The following SCN10A variants were observed in gnomAD, a reference collection of about 807,000 sequenced individuals.
SCN10A encodes sodium voltage-gated channel alpha subunit 10.
A neutral mutation model predicts 170.7 loss-of-function variants in SCN10A; 162 were observed. That is an observed-to-expected ratio of 0.95 (90% CI 0.84 to 1.08). The LOEUF (loss-of-function observed/expected upper bound fraction) is 1.08. Among genes scored for constraint, SCN10A ranks in the 50% least tolerant of loss-of-function variants. The pLI, the probability that SCN10A is intolerant of heterozygous loss-of-function variation, is 0.00. For synonymous variants in SCN10A, 985 were observed against 904.6 expected (o/e 1.09, Z -1.59); for missense variants, 2,527 against 2,436.9 (o/e 1.04, Z -0.78).
chr3:38,711,936 C>T (rs1198496188), intron 23 of SCN10A, among the ~76,000 whole-genome samples: 1 of 152,180 alleles, frequency 6.6e-6, no homozygotes, highest in African/African-American at 2.4e-5. Context: ...TCCCTTTATG[C>T]TATTCTACTA....
At chr3:38,796,811 A>G (rs964244936) in intron 1 of SCN10A, among the ~76,000 whole-genome samples, 4 of 152,022 alleles carry the variant, frequency 2.6e-5, no homozygotes, top group African/African-American at 9.7e-5. Flanking sequence ...TTCTCTATAA[A>G]CATCTGATTT....
intron 26 of SCN10A, 24 bp from the exon 27 acceptor site, chr3:38,702,133 A>T (rs1162843317): frequency 6.5e-7 from 1 of 1,527,014 alleles, no homozygotes; most frequent in Admixed American, 2.2e-5. Flanking sequence ...AGATAGTGGC[A>T]TCAGGGCCTT....
chr3:38,794,162 C>T, intron 1 of SCN10A, 120 bp from the exon 2 acceptor site: 1 of 686,930 alleles, frequency 1.5e-6, no homozygotes, highest in Non-Finnish European at 2.4e-6. Flanking sequence ...CTGGCCCCTC[C>T]CTGAACTCAC....
intron 14 of SCN10A, among the ~76,000 whole-genome samples, chr3:38,741,888 T>C (rs1559436814): frequency 6.6e-6 from 1 of 152,122 alleles, no homozygotes; most frequent in East Asian, 1.9e-4. Flanking sequence ...ATAAAAGTAA[T>C]TACATTGGAA....
rs2063157773 is a variant in SCN10A, at chr3:38,701,730, T to G, written c.4657+109A>C. 6.6e-6 allele frequency: 7 copies of G among 1,054,830 alleles called. No individual in the cohort carries two copies. In the Admixed American group the frequency reaches 1.7e-4, roughly 26 times the overall value. 65.3% of individuals were successfully genotyped at this position (1,054,830 alleles called of 1,614,324 possible). ...CTGCAAATACAGGGTTCTTCTAACATAAACACGTATTTCAAAAAGTTGGTT... is the reference window on the plus strand; with the variant it reads ...CTGCAAATACAGGGTTCTTCTAACAGAAACACGTATTTCAAAAAGTTGGTT... On this transcript the variant is annotated intron_variant, in intron 27 of 27. Transcript: ENST00000449082.
At chr3:38,772,720 ACAACAAAAAC>A (rs1463713167) in intron 4 of SCN10A, among the ~76,000 whole-genome samples, 16 of 88,074 alleles carry the variant, frequency 1.8e-4, no homozygotes, top group African/African-American at 5.2e-4. Flanking sequence ...AACAACAACA[ACAACAAAAAC>A]AAAAACAAAA....
At chr3:38,787,939 A>C (rs940069620) in intron 4 of SCN10A, among the ~76,000 whole-genome samples, 5 of 147,676 alleles carry the variant, frequency 3.4e-5, no homozygotes, top group African/African-American at 1.3e-4. Flanking sequence ...TTCTTGTGTT[A>C]GTTTGCTGAG....
chr3:38,799,728 C>T (rs1340673775), intron 1 of SCN10A, among the ~76,000 whole-genome samples: 1 of 149,480 alleles, frequency 6.7e-6, no homozygotes, highest in Non-Finnish European at 1.5e-5. Flanking sequence ...TAAAGTTTTT[C>T]TTTAAAAAAA....
chr3:38,806,389 C>T (rs1207645555), intron 1 of SCN10A, among the ~76,000 whole-genome samples: 1 of 152,130 alleles, frequency 6.6e-6, no homozygotes, highest in Non-Finnish European at 1.5e-5. Context: ...TTCCTTATCA[C>T]ATGATCTGAA....
At chr3:38,788,412 C>T (rs1290640755) in intron 4 of SCN10A, among the ~76,000 whole-genome samples, 2 of 152,124 alleles carry the variant, frequency 1.3e-5, no homozygotes, top group Non-Finnish European at 2.9e-5. Flanking sequence ...TTCAGGAATA[C>T]TAAGGTTACT....
chr3:38,712,786 A>C (rs2063289621), intron 22 of SCN10A, among the ~76,000 whole-genome samples: 1 of 152,210 alleles, frequency 6.6e-6, no homozygotes, highest in Non-Finnish European at 1.5e-5. Flanking sequence ...CTCCTTAAAT[A>C]CCATACATAA....
At chr3:38,785,429 A>G (rs1355900495) in intron 4 of SCN10A, among the ~76,000 whole-genome samples, 2 of 152,204 alleles carry the variant, frequency 1.3e-5, no homozygotes, top group Non-Finnish European at 2.9e-5. Context: ...GGCTAGCCTT[A>G]GGCAGAAAAT....
chr3:38,728,893 T>C lies in SCN10A; in HGVS notation c.2289A>G (p.Val763=), dbSNP rs781755935. Reference sequence around the variant, plus strand: ...TGGGCCAGGATTTGGCCAGCTTGAATACGCGCAGCTGCAGAGAAACAGAGA... The same window carrying C: ...TGGGCCAGGATTTGGCCAGCTTGAACACGCGCAGCTGCAGAGAAACAGAGA... ...SVLRSFRLLR[V]FKLAKSWPTL... Residue 763 remains valine, a synonymous_variant, in exon 16 of 28, where the codon GTA becomes GTG. Coordinates refer to ENST00000449082, the MANE Select transcript of SCN10A (RefSeq NM_006514.4). The C allele has an allele frequency of 3.7e-6, 6 of 1,606,942 alleles. No homozygotes were observed. The highest frequency in any genetic ancestry group is 1.3e-5 in the African/African-American group (1 of 74,744).
At chr3:38,730,462 G>A (rs926986531) in intron 15 of SCN10A, among the ~76,000 whole-genome samples, 2 of 152,136 alleles carry the variant, frequency 1.3e-5, no homozygotes, top group Non-Finnish European at 2.9e-5. Flanking sequence ...TTTAAGAGTT[G>A]CAGTAAAAAA....
chr3:38,742,599 C>T (rs2063646089), intron 13 of SCN10A, 70 bp from the exon 14 acceptor site: 1 of 1,138,092 alleles, frequency 8.8e-7, no homozygotes, highest in East Asian at 2.4e-5. Context: ...TGCGGTCATC[C>T]TCTAGACCTT....
chr3:38,718,587 C>T, intron 21 of SCN10A, 66 bp downstream of exon 21: 2 of 1,556,246 alleles, frequency 1.3e-6, no homozygotes, highest in Non-Finnish European at 1.8e-6. Context: ...CTTCCTTTGC[C>T]CTAGCTGTAG....
In SCN10A at chr3:38,813,289, A is replaced by G. The variant is rs571495237; in HGVS notation, c.-33+2748T>C. On this transcript the variant is annotated intron_variant, in intron 1 of 27. Coordinates refer to ENST00000449082, the MANE Select transcript of SCN10A (RefSeq NM_006514.4). ...ACAGAGTATGAACAAAGTGTCTCCA[A>G]TAGGACTCCCTCTTGTCACCTCACA... 5.9e-5 allele frequency among the ~76,000 whole-genome samples: 9 copies of G among 152,272 alleles called. 1 individual carries two copies. The highest frequency in any genetic ancestry group is 3.4e-3 in the Middle Eastern group (1 of 294).
At chr3:38,699,198 G>GTTT (rs66689339) in intron 27 of SCN10A, among the ~76,000 whole-genome samples, 7 of 127,138 alleles carry the variant, frequency 5.5e-5, no homozygotes, top group African/African-American at 1.9e-4. Flanking sequence ...GCCTTAATTT[G>GTTT]TTTTTTTTTT....
At position 38,783,349 on chromosome 3, in the gene SCN10A, C is replaced by G. The variant is rs184253074; in HGVS notation, c.470+5607G>C. 4.4e-3 allele frequency among the ~76,000 whole-genome samples: 674 copies of G among 152,150 alleles called. 8 individuals are homozygous for G. Among genetic ancestry groups the G allele is most frequent in the African/African-American group, 0.016 (644 of 41,518 alleles). The stretch of plus-strand genomic sequence containing the variant: ...GCCACTATTCTCCTAATTTTTGGTA[C>G]TTTTTCTTGCCTTACTTTATTGATG... On this transcript the variant is annotated intron_variant, in intron 4 of 27. Transcript: ENST00000449082.
Sources: allele counts gnomAD v4.1 joint callset (sites outside exome capture counted in the v4.1 genomes callset), GRCh38; gene constraint gnomAD v4.1.1; transcripts MANE v1.5; gene names NCBI Gene and HGNC (gene_info 2026-07-23, HGNC 2026-07-21).